Variants in MAML2 observed in about 807,000 individuals in gnomAD.
MAML2 encodes mastermind-like protein 2.
A neutral mutation model predicts 96.1 loss-of-function variants in MAML2; 22 were observed. The ratio of observed to expected loss-of-function variants is 0.23; its 90% CI spans 0.16 to 0.33. The LOEUF (loss-of-function observed/expected upper bound fraction) is 0.33, where lower values mean the gene tolerates loss of function less well. Ranked by LOEUF, MAML2 falls within the 10% of genes least tolerant of loss-of-function variation. The probability of loss-of-function intolerance (pLI) is 1.00; values close to 1 mark genes in which losing one functional copy is unlikely to be tolerated. For synonymous variants in MAML2, 561 were observed against 521.3 expected (o/e 1.08, Z -1.04); for missense variants, 1,367 against 1,392.4 (o/e 0.98, Z 0.29).
chr11:96,300,017 C>A (rs751340537), intron 1 of MAML2, among the ~76,000 whole-genome samples: 4 of 152,062 alleles, frequency 2.6e-5, no homozygotes, highest in African/African-American at 9.7e-5. Context: ...GGGAGAATAA[C>A]AAACAGTGGA....
chr11:96,190,634 A>G (rs1027621909), intron 1 of MAML2, among the ~76,000 whole-genome samples: 6 of 152,224 alleles, frequency 3.9e-5, no homozygotes, highest in Non-Finnish European at 5.9e-5. Context: ...TGGGGTAACA[A>G]TCAGGATAGA....
chr11:96,148,379 G>A (rs375866299), intron 1 of MAML2, among the ~76,000 whole-genome samples: 5 of 151,938 alleles, frequency 3.3e-5, no homozygotes, highest in African/African-American at 1.2e-4. Flanking sequence ...ATATGAATTT[G>A]AGGGCAAAAT....
At chr11:96,288,731 C>A (rs1208336648) in intron 1 of MAML2, among the ~76,000 whole-genome samples, 1 of 152,120 alleles carries the variant, frequency 6.6e-6, no homozygotes, top group African/African-American at 2.4e-5. Flanking sequence ...ATGTGGCATT[C>A]AAACACTTGT....
chr11:96,071,317 GA>G (rs780020400), intron 2 of MAML2, among the ~76,000 whole-genome samples: 2 of 152,272 alleles, frequency 1.3e-5, no homozygotes, highest in Admixed American at 6.5e-5. Flanking sequence ...GAACCGTCCT[GA>G]ACCAGCCATC....
intron 1 of MAML2, among the ~76,000 whole-genome samples, chr11:96,228,809 G>T (rs1047657934): frequency 6.6e-6 from 1 of 152,192 alleles, no homozygotes. Context: ...GATGGCCATG[G>T]TTTCTAGACT....
intron 2 of MAML2, among the ~76,000 whole-genome samples, chr11:96,077,496 C>T (rs938837979): frequency 6.6e-6 from 1 of 152,166 alleles, no homozygotes; most frequent in Non-Finnish European, 1.5e-5. Flanking sequence ...ACTGGGATTA[C>T]AGGCATGAGC....
chr11:96,229,355 A>G (rs1216280739), intron 1 of MAML2, among the ~76,000 whole-genome samples: 1 of 151,798 alleles, frequency 6.6e-6, no homozygotes, highest in East Asian at 1.9e-4. Flanking sequence ...TTTTCTAATT[A>G]ATTTTCTTCT....
At chr11:96,096,142 G>A (rs757209751) in intron 1 of MAML2, among the ~76,000 whole-genome samples, 5 of 152,128 alleles carry the variant, frequency 3.3e-5, no homozygotes, top group African/African-American at 7.2e-5. Flanking sequence ...TTCTTTTTCC[G>A]AATTTGGGTT....
intron 2 of MAML2, among the ~76,000 whole-genome samples, chr11:96,033,394 C>T (rs921178786): frequency 6.6e-6 from 1 of 152,176 alleles, no homozygotes; most frequent in African/African-American, 2.4e-5. Context: ...TTACTTGTAT[C>T]TACCACAGTG....
At chr11:96,124,229 A>T (rs993423576) in intron 1 of MAML2, among the ~76,000 whole-genome samples, 1 of 151,916 alleles carries the variant, frequency 6.6e-6, no homozygotes, top group Non-Finnish European at 1.5e-5. Context: ...TCCAGAAGGC[A>T]TTTATCTTCT....
At chr11:96,178,085 T>C (rs1423908169) in intron 1 of MAML2, among the ~76,000 whole-genome samples, 2 of 103,188 alleles carry the variant, frequency 1.9e-5, no homozygotes, top group Admixed American at 2.0e-4. Context: ...AATTTTTCTT[T>C]CTTTTTTTTC....
intron 2 of MAML2, among the ~76,000 whole-genome samples, chr11:96,019,577 A>G (rs551259462): frequency 1.3e-5 from 2 of 151,956 alleles, no homozygotes; most frequent in Admixed American, 6.6e-5. Flanking sequence ...AACTCCTGGC[A>G]TATCAGATTT....
intron 1 of MAML2, among the ~76,000 whole-genome samples, chr11:96,238,167 A>G (rs1292348262): frequency 2.0e-5 from 3 of 152,228 alleles, no homozygotes; most frequent in Admixed American, 2.0e-4. Flanking sequence ...TGGGGGTTTC[A>G]TTAATATGGA....
chr11:96,335,684 A>G (rs1311070877), intron 1 of MAML2, among the ~76,000 whole-genome samples: 2 of 152,196 alleles, frequency 1.3e-5, no homozygotes, highest in African/African-American at 4.8e-5. Flanking sequence ...ATGAAGGATT[A>G]TTATTGCATC....
At position 96,092,636 on chromosome 11, in the gene MAML2, G is replaced by A. The variant is rs1373785333; in HGVS notation, c.1395C>T (p.Pro465=). 1.9e-6 allele frequency: 3 copies of A among 1,613,566 alleles called. No homozygotes were observed. Among genetic ancestry groups the A allele is most frequent in the Admixed American group, 3.3e-5 (2 of 59,992 alleles). The change falls in exon 2 of 5, where the codon CCC becomes CCT. Residue 465 remains proline, a synonymous_variant. Coordinates refer to ENST00000524717, the MANE Select transcript of MAML2 (RefSeq NM_032427.4). The surrounding 1 kb of genome is among the most constrained non-coding windows in gnomAD (Gnocchi z 4.1). ...GACCTGGTGATGGTCCAGCAGAAGA[G>A]GGCAAGGCTGACCAGTTGGTAGGCT... ...QHQPTNWSAL[P]SSAGPSPGPF... is the part of the protein sequence containing the mutation.
intron 3 of MAML2, among the ~76,000 whole-genome samples, chr11:95,990,699 C>T (rs1857895538): frequency 6.6e-6 from 1 of 152,114 alleles, no homozygotes; most frequent in Non-Finnish European, 1.5e-5. Context: ...TGATACCCTG[C>T]ATTTCTGACT....
At chr11:96,052,336 A>G (rs915710743) in intron 2 of MAML2, among the ~76,000 whole-genome samples, 1 of 152,058 alleles carries the variant, frequency 6.6e-6, no homozygotes, top group Admixed American at 6.5e-5. Context: ...CATCTACCAC[A>G]TGGAAATTGT....
intron 2 of MAML2, among the ~76,000 whole-genome samples, chr11:96,086,718 T>C (rs765372153): frequency 6.6e-6 from 1 of 152,194 alleles, no homozygotes; most frequent in Non-Finnish European, 1.5e-5. Context: ...ACAATAAATA[T>C]GTTTTTAAAC....
chr11:95,984,714 G>C (rs373501562), intron 4 of MAML2, among the ~76,000 whole-genome samples: 3 of 152,292 alleles, frequency 2.0e-5, no homozygotes, highest in African/African-American at 7.2e-5. Flanking sequence ...GGTGTTCACA[G>C]CCTTTCTTTC....
Sources: gnomAD v4.1 joint callset for allele counts (sites outside exome capture counted in the v4.1 genomes callset) on GRCh38, gnomAD v4.1.1 for gene constraint, Gnocchi (gnomAD v3.1) non-coding constraint, MANE v1.5 for transcripts, NCBI Gene and HGNC (gene_info 2026-07-23, HGNC 2026-07-21) for gene names.